ARHGAP39: variants seen among roughly 807,000 people sequenced by gnomAD.
The protein encoded by ARHGAP39 is rho GTPase-activating protein 39.
ARHGAP39 carries 44 observed loss-of-function variants against 106.9 expected under a neutral mutation model. The observed-to-expected ratio is 0.41, with a 90% confidence interval of 0.32 to 0.53. The LOEUF is 0.53. ARHGAP39 is among the 20% of genes least tolerant of loss of function. The probability of loss-of-function intolerance (pLI) is 0.21; values close to 1 mark genes in which losing one functional copy is unlikely to be tolerated. For synonymous variants in ARHGAP39, 768 were observed against 693.2 expected, an observed-to-expected ratio of 1.11 and a Z score of -1.69; for missense variants, 1,496 against 1,577.3, an observed-to-expected ratio of 0.95 and a Z score of 0.87.
At position 144,537,882 on chromosome 8, in the gene ARHGAP39, G is replaced by C. The variant is rs1293367854; in HGVS notation, c.2522-69C>G. Reference sequence around the variant, plus strand: ...AGGAGCCAGCGCCCACTCAGCTCCCGCACTTGGCTGGTGAGCAGGCCCCTG... The same window carrying C: ...AGGAGCCAGCGCCCACTCAGCTCCCCCACTTGGCTGGTGAGCAGGCCCCTG... On this transcript the variant is annotated intron_variant, in intron 6 of 11. Transcript: ENST00000377307. The C allele has an allele frequency of 2.8e-6, 4 of 1,428,064 alleles. No individual in the cohort carries two copies. The African/African-American group carries it at 4.2e-5, about 15-fold the overall frequency. The allele number at this position is 1,428,064 out of a possible 1,614,324, so 88.5% of individuals were successfully genotyped here.
intron 3 of ARHGAP39, among the ~76,000 whole-genome samples, chr8:144,556,013 C>T (rs925965633): frequency 4.6e-5 from 7 of 152,216 alleles, no homozygotes; most frequent in Admixed American, 1.3e-4. Context: ...AGACCAGGCA[C>T]GGTGGCTCAC....
intron 1 of ARHGAP39, among the ~76,000 whole-genome samples, chr8:144,653,811 T>C (rs1248802894): frequency 6.6e-6 from 1 of 152,074 alleles, no homozygotes; most frequent in Non-Finnish European, 1.5e-5. Flanking sequence ...TTGTAATAAC[T>C]ATCGGGTCAT....
intron 3 of ARHGAP39, among the ~76,000 whole-genome samples, chr8:144,579,791 T>A (rs999896257): frequency 2.6e-5 from 4 of 151,914 alleles, no homozygotes; most frequent in African/African-American, 9.7e-5. Flanking sequence ...GGGCCTCAGC[T>A]CCCCTGGCAA....
At chr8:144,576,000 C>T (rs188042569) in intron 3 of ARHGAP39, among the ~76,000 whole-genome samples, 1 of 152,240 alleles carries the variant, frequency 6.6e-6, no homozygotes, top group Admixed American at 6.5e-5. Context: ...CATCTATCTA[C>T]CCAAACTAAT....
In ARHGAP39 at chr8:144,534,038, A is replaced by G; in HGVS notation, c.2688+91T>C. ...GTGGCACCCTCTGCGCTGCTGCCCC[A>G]TACCAAACTGCAGGCGGGGCTCCTG... On this transcript the variant is annotated intron_variant, in intron 8 of 11. Transcript: ENST00000377307. The G allele has an allele frequency of 5.5e-6, 8 of 1,457,382 alleles. 1 individual carries two copies. The South Asian group carries it at 9.5e-5, about 17-fold the overall frequency. The allele number at this position is 1,457,382 out of a possible 1,614,324, so 90.3% of individuals were successfully genotyped here. A position where few individuals can be genotyped will look rare whatever the true frequency, so the allele number is the denominator to read the frequency against.
At chr8:144,631,173 A>G (rs547156206) in intron 1 of ARHGAP39, among the ~76,000 whole-genome samples, 3 of 152,340 alleles carry the variant, frequency 2.0e-5, no homozygotes, top group East Asian at 3.9e-4. Context: ...CAAGCCATTC[A>G]TGAGGGATCC....
At position 144,549,578 on chromosome 8, in the gene ARHGAP39, T is replaced by C. The variant is rs564235464; in HGVS notation, c.597-1089A>G. ...CACGGTCTTGCCTCACTGTAACCTC[T>C]GCCTCCCAAGTTCAAGCGATTCTCC... is the stretch of plus-strand genomic sequence containing the variant. On this transcript the variant is annotated intron_variant, in intron 4 of 11. Transcript: ENST00000377307. Among the ~76,000 whole-genome samples, 7 of 152,266 alleles carry C rather than the reference T, an allele frequency of 4.6e-5. No homozygotes were observed. The East Asian group carries it at 1.2e-3, about 25-fold the overall frequency.
chr8:144,536,766 C>A (rs975201097), intron 7 of ARHGAP39, among the ~76,000 whole-genome samples: 1 of 152,244 alleles, frequency 6.6e-6, no homozygotes, highest in African/African-American at 2.4e-5. Flanking sequence ...GCATTCCCCA[C>A]GAGGGCCCTT....
chr8:144,575,491 C>T (rs1053120586), intron 3 of ARHGAP39, among the ~76,000 whole-genome samples: 6 of 147,938 alleles, frequency 4.1e-5, no homozygotes, highest in East Asian at 1.9e-4. Flanking sequence ...TTACAAACTA[C>T]GACACAAACA....
intron 2 of ARHGAP39, among the ~76,000 whole-genome samples, chr8:144,581,627 C>T (rs1416677043): frequency 1.3e-5 from 2 of 152,190 alleles, no homozygotes; most frequent in South Asian, 2.1e-4. Flanking sequence ...CACAGGCCTG[C>T]GAGTCATCAC....
intron 6 of ARHGAP39, among the ~76,000 whole-genome samples, chr8:144,544,902 A>G (rs1586885152): frequency 1.3e-5 from 2 of 152,374 alleles, no homozygotes; most frequent in South Asian, 4.1e-4. Context: ...GCAGGCACAC[A>G]GGTGCCTGAC....
chr8:144,600,599 C>T (rs559490759), intron 2 of ARHGAP39, among the ~76,000 whole-genome samples: 6 of 134,556 alleles, frequency 4.5e-5, no homozygotes, highest in African/African-American at 8.6e-5. Context: ...CCTGAGTGTG[C>T]GTGTTCGTGG....
chr8:144,555,527 C>T (rs1413955114), intron 4 of ARHGAP39, 33 bp downstream of exon 4: 1 of 1,597,730 alleles, frequency 6.3e-7, no homozygotes, highest in African/African-American at 1.3e-5. Context: ...CGCCCTCCAT[C>T]ACAAACGGCC....
intron 1 of ARHGAP39, among the ~76,000 whole-genome samples, chr8:144,630,753 G>A (rs1163625564): frequency 6.6e-6 from 1 of 152,242 alleles, no homozygotes; most frequent in Non-Finnish European, 1.5e-5. Flanking sequence ...TAGGTGAGAG[G>A]TGCCAGTGAG....
intron 6 of ARHGAP39, among the ~76,000 whole-genome samples, chr8:144,542,570 C>T (rs1817238424): frequency 3.3e-5 from 5 of 152,182 alleles, no homozygotes; most frequent in Admixed American, 2.0e-4. Flanking sequence ...TAGGGCCTGT[C>T]TTTCTTTCCT....
In ARHGAP39 at chr8:144,530,434, C is replaced by T. The variant is rs1398316324; in HGVS notation, c.3333G>A (p.Glu1111=). The T allele has an allele frequency of 3.7e-6, 6 of 1,605,264 alleles. No individual in the cohort carries two copies. The highest frequency in any genetic ancestry group is 4.3e-6 in the Non-Finnish European group (5 of 1,175,394). ...CCGGGCGCCCCCGCTACAGCACACC[C>T]TCCATGAAGCTGGTGTCCAGGTGCT... is the stretch of plus-strand genomic sequence containing the variant. The part of the protein sequence containing the change: ...LIQHLDTSFM[E]GVL The change falls in exon 12 of 12, where the codon GAG becomes GAA. Residue 1111 remains glutamate (E), a synonymous_variant. Transcript: ENST00000377307.
intron 2 of ARHGAP39, among the ~76,000 whole-genome samples, chr8:144,594,411 C>T (rs574552415): frequency 7.2e-4 from 110 of 152,188 alleles, no homozygotes; most frequent in African/African-American, 2.5e-3. Flanking sequence ...ATCAAACATA[C>T]CGGCCAGGCG....
At chr8:144,630,986 C>T (rs991976460) in intron 1 of ARHGAP39, among the ~76,000 whole-genome samples, 7 of 152,392 alleles carry the variant, frequency 4.6e-5, no homozygotes, top group African/African-American at 1.4e-4. Flanking sequence ...CACCAACATC[C>T]CTTGGCTTCC....
chr8:144,609,895 T>C (rs72697665), intron 1 of ARHGAP39, among the ~76,000 whole-genome samples: 6,955 of 152,280 alleles, frequency 0.046, 221 homozygotes, highest in Non-Finnish European at 0.073. Flanking sequence ...TTATATAGAA[T>C]TGCTATTATT....
Sources: gnomAD v4.1 joint callset for allele counts (sites outside exome capture counted in the v4.1 genomes callset) on GRCh38, gnomAD v4.1.1 for gene constraint, MANE v1.5 for transcripts, NCBI Gene and HGNC (gene_info 2026-07-23, HGNC 2026-07-21) for gene names.